Variants in ZFHX3 observed in about 807,000 individuals in gnomAD.
ZFHX3 encodes zinc finger homeobox protein 3.
In ZFHX3, 42 loss-of-function variants were observed where a neutral mutation model predicts 279.1. That is an observed-to-expected ratio of 0.15 (90% CI 0.12 to 0.19). ZFHX3 has a LOEUF of 0.19. ZFHX3 is among the 10% of genes least tolerant of loss of function. The pLI is 1.00. For missense variants in ZFHX3, 4,981 were observed against 4,754.0 expected, an observed-to-expected ratio of 1.05 and a Z score of -1.40; for synonymous variants, 2,293 against 1,957.8, an observed-to-expected ratio of 1.17 and a Z score of -4.52.
intron 3 of ZFHX3, chr16:73,400,404 G>A (rs957437703): frequency 1.3e-5 from 2 of 152,146 alleles, no homozygotes; most frequent in African/African-American, 2.4e-5. Flanking sequence ...CCACAAGACG[G>A]GAATGAAAAG....
chr16:73,695,678 A>T (rs2053191145), intron 1 of ZFHX3, among the ~76,000 whole-genome samples: 3 of 152,180 alleles, frequency 2.0e-5, no homozygotes. Context: ...AAACAGGGAT[A>T]ATTCGCCCTT....
At chr16:72,983,071 G>A (rs188001686) in intron 1 of ZFHX3, among the ~76,000 whole-genome samples, 105 of 152,176 alleles carry the variant, frequency 6.9e-4, no homozygotes, top group Non-Finnish European at 1.2e-3. Flanking sequence ...CTTCTTCCCC[G>A]TCAGGAATGT....
rs1220388506 is a variant in ZFHX3 at position 72,800,052 on chromosome 16, A to G, written c.3942T>C (p.Asn1314=). The G allele has an allele frequency of 1.2e-6, 2 of 1,614,134 alleles. No homozygotes were observed. Among genetic ancestry groups the G allele is most frequent in the African/African-American group, 2.7e-5 (2 of 75,020 alleles). Residue 1314 remains asparagine (N), a synonymous_variant, in exon 8 of 10, where the codon AAT becomes AAC. Transcript: ENST00000268489. ...CAGGCTGCTTTCCTGCCTCTTCCAA[A>G]TTGGAATTCCCATCTCGATCTGGAA... The part of the protein sequence containing the change: ...AAVPDRDGNS[N]LEEAGKQPET...
chr16:73,301,639 C>A (rs904259857), intron 4 of ZFHX3, among the ~76,000 whole-genome samples: 9 of 152,154 alleles, frequency 5.9e-5, no homozygotes, highest in African/African-American at 1.9e-4. Context: ...ATGTGGGCAC[C>A]TCAACAAGGT....
At chr16:73,818,746 A>G (rs1241655914) in intron 1 of ZFHX3, among the ~76,000 whole-genome samples, 2 of 152,298 alleles carry the variant, frequency 1.3e-5, no homozygotes, top group African/African-American at 4.8e-5. Flanking sequence ...CGCTTTCTCA[A>G]ACTGCACTTT....
intron 1 of ZFHX3, among the ~76,000 whole-genome samples, chr16:73,818,732 G>T (rs2142346053): frequency 6.6e-6 from 1 of 152,316 alleles, no homozygotes; most frequent in South Asian, 2.1e-4. Flanking sequence ...CCCTGGCTCT[G>T]CTGCGCTTTC....
chr16:73,685,465 G>T (rs750713599), intron 1 of ZFHX3, among the ~76,000 whole-genome samples: 6 of 152,208 alleles, frequency 3.9e-5, no homozygotes, highest in Admixed American at 6.5e-5. Context: ...AGCTGGAAAA[G>T]GTGAGAAGGC....
intron 1 of ZFHX3, among the ~76,000 whole-genome samples, chr16:73,761,129 G>A (rs372120976): frequency 1.1e-4 from 17 of 151,918 alleles, no homozygotes; most frequent in African/African-American, 2.7e-4. Context: ...AAGCAACTTC[G>A]GCAAAGCCTC....
chr16:73,802,567 G>C (rs1243648057), intron 1 of ZFHX3, among the ~76,000 whole-genome samples: 1 of 152,192 alleles, frequency 6.6e-6, no homozygotes, highest in Non-Finnish European at 1.5e-5. Context: ...AAAAGAATGA[G>C]AAAGGACAGA....
intron 4 of ZFHX3, among the ~76,000 whole-genome samples, chr16:72,873,065 C>T (rs1406650077): frequency 6.6e-6 from 1 of 152,190 alleles, no homozygotes; most frequent in Admixed American, 6.5e-5. Context: ...ATTCCTCACC[C>T]TCGAAGGCCC....
chr16:72,787,729 C>G lies in ZFHX3; in HGVS notation c.10547G>C (p.Gly3516Ala), dbSNP rs750196489. 2 of 1,399,540 alleles carry G rather than the reference C, an allele frequency of 1.4e-6. No homozygotes were observed. The highest frequency in any genetic ancestry group is 1.9e-6 in the Non-Finnish European group (2 of 1,071,744). The allele number at this position is 1,399,540 out of a possible 1,614,324, so 86.7% of individuals were successfully genotyped here. A position where few individuals can be genotyped will look rare whatever the true frequency, so the allele number is the denominator to read the frequency against. The change falls in exon 10 of 10, where the codon GGC (glycine) becomes GCC (alanine). Residue 3516 changes from glycine (G) to alanine (A), a missense_variant. Gly to Ala is a moderately conservative substitution (Grantham distance 60). This residue lies in a region of ZFHX3 where 1,034 missense variants were observed against 786.0 expected (regional missense o/e 1.32). Transcript: ENST00000268489. ...TGGGGGGSGG[G>A]GGGGGGGGGG... ...GCCGCCGCCGCCGCCACCGCCGCCGCCGCCGCCACTGCCACCGCCGCCGCC... is the reference window on the plus strand; with the variant it reads ...GCCGCCGCCGCCGCCACCGCCGCCGGCGCCGCCACTGCCACCGCCGCCGCC...
intron 2 of ZFHX3, among the ~76,000 whole-genome samples, chr16:73,641,281 A>C (rs183644534): frequency 6.6e-4 from 101 of 152,290 alleles, no homozygotes; most frequent in African/African-American, 2.3e-3. Context: ...AGGAAAAACA[A>C]ACAAAACCAG....
intron 4 of ZFHX3, among the ~76,000 whole-genome samples, chr16:73,286,521 CTGTGTGGGTCGGTGTGTGGCTGTGTGGG>C (rs1337429729): frequency 6.6e-6 from 1 of 152,064 alleles, no homozygotes; most frequent in Non-Finnish European, 1.5e-5. Context: ...CTTGGTAAGG[CTGTGTGGGTCGGTGTGTGGCTGTGTGGG>C]TGTGTGCGTT....
intron 1 of ZFHX3, among the ~76,000 whole-genome samples, chr16:73,689,589 G>C (rs2053126049): frequency 6.6e-6 from 1 of 152,186 alleles, no homozygotes; most frequent in Non-Finnish European, 1.5e-5. Context: ...CTGACTTAGA[G>C]GGAGGGCTAA....
At chr16:72,999,173 A>C (rs1269667943) in intron 1 of ZFHX3, among the ~76,000 whole-genome samples, 10 of 152,190 alleles carry the variant, frequency 6.6e-5, no homozygotes, top group African/African-American at 2.2e-4. Flanking sequence ...GTTTTGAGAC[A>C]AAGTCCCGCT....
At chr16:73,484,936 C>G (rs994943846) in intron 2 of ZFHX3, among the ~76,000 whole-genome samples, 1 of 151,816 alleles carries the variant, frequency 6.6e-6, no homozygotes, top group African/African-American at 2.4e-5. Flanking sequence ...CTACCACATA[C>G]TCGCCTTTAG....
intron 1 of ZFHX3, among the ~76,000 whole-genome samples, chr16:73,732,051 C>G (rs2053573934): frequency 6.6e-6 from 1 of 152,180 alleles, no homozygotes; most frequent in South Asian, 2.1e-4. Context: ...TTTGAAATTA[C>G]TCTAACTCTG....
intron 5 of ZFHX3, among the ~76,000 whole-genome samples, chr16:72,814,336 GCCTGCCC>G (rs1456511287): frequency 5.3e-5 from 8 of 152,074 alleles, no homozygotes; most frequent in Admixed American, 1.3e-4. Context: ...CCCTCAATCT[GCCTGCCC>G]CCTACTATGG....
chr16:72,849,977 TC>T (rs1302968290), intron 4 of ZFHX3, among the ~76,000 whole-genome samples: 1 of 146,978 alleles, frequency 6.8e-6, no homozygotes, highest in Non-Finnish European at 1.5e-5. Flanking sequence ...CTAAGCTACG[TC>T]AGGGGACATA....
Sources: gnomAD v4.1 joint callset for allele counts (sites outside exome capture counted in the v4.1 genomes callset) on GRCh38, gnomAD v4.1.1 for gene constraint, gnomAD v4.1.1 regional missense constraint, MANE v1.5 for transcripts, NCBI Gene and HGNC (gene_info 2026-07-23, HGNC 2026-07-21) for gene names.